PEX7: variants seen among roughly 807,000 people sequenced by gnomAD.
The protein encoded by PEX7 is PTS2 receptor.
A neutral mutation model predicts 47.5 loss-of-function variants in PEX7; 34 were observed. The observed-to-expected ratio is 0.72, with a 90% CI of 0.54 to 0.95. The LOEUF (loss-of-function observed/expected upper bound fraction) is 0.95. Ranked by LOEUF, PEX7 falls within the 40% of genes least tolerant of loss-of-function variation. The pLI is 0.00. For synonymous variants in PEX7, 141 were observed against 148.8 expected (o/e 0.95, Z 0.38); for missense variants, 394 against 400.3 (o/e 0.98, Z 0.13).
intron 7 of PEX7, 21 bp from the exon 8 acceptor site, chr6:136,872,177 T>C: frequency 6.2e-7 from 1 of 1,602,232 alleles, no homozygotes; most frequent in African/African-American, 1.3e-5. Context: ...AAGGGTTTTT[T>C]TTTTCTTTTT....
chr6:136,854,143 T>G (rs909651855), intron 5 of PEX7, among the ~76,000 whole-genome samples: 5 of 152,144 alleles, frequency 3.3e-5, no homozygotes, highest in Non-Finnish European at 7.3e-5. Context: ...ATATTTAATT[T>G]GAATCAATTA....
intron 8 of PEX7, among the ~76,000 whole-genome samples, chr6:136,897,764 C>T (rs138479115): frequency 6.6e-6 from 1 of 152,204 alleles, no homozygotes; most frequent in African/African-American, 2.4e-5. Flanking sequence ...AATTCAATAT[C>T]CTTATTTTAT....
intron 2 of PEX7, among the ~76,000 whole-genome samples, chr6:136,825,925 C>T (rs1418270247): frequency 3.9e-5 from 6 of 152,124 alleles, no homozygotes; most frequent in Non-Finnish European, 5.9e-5. Context: ...CTGTAGTGAG[C>T]TGTGATTGGG....
intron 3 of PEX7, among the ~76,000 whole-genome samples, chr6:136,843,999 G>A (rs986930932): frequency 6.6e-6 from 1 of 152,032 alleles, no homozygotes; most frequent in Non-Finnish European, 1.5e-5. Context: ...ACAAAATATC[G>A]ATATTTTACT....
In PEX7 at chr6:136,900,573, G is replaced by A; in HGVS notation, c.903+2332G>A. On this transcript the variant is annotated intron_variant, in intron 9 of 9. Transcript: ENST00000318471. The surrounding 1 kb of genome is among the most constrained non-coding windows in gnomAD (Gnocchi z 4.2). Reference sequence around the variant, plus strand: ...CTTCCGAGTTAATCTGTGTGAAGGTGATGGTGGTGTGGGTCATCCTGTGAA... The same window carrying A: ...CTTCCGAGTTAATCTGTGTGAAGGTAATGGTGGTGTGGGTCATCCTGTGAA... 1 of 405,812 alleles carries A rather than the reference G, an allele frequency of 2.5e-6. No individual in the cohort carries two copies. The highest frequency in any genetic ancestry group is 1.9e-5 in the South Asian group (1 of 52,960). 25.1% of individuals were successfully genotyped at this position (405,812 alleles called of 1,614,324 possible).
chr6:136,829,981 ATTTCTGTTTT>A (rs1345470852), intron 3 of PEX7: 6 of 702,884 alleles, frequency 8.5e-6, no homozygotes. Context: ...AACATAGCCA[ATTTCTGTTTT>A]TTTTTTTTCC....
At position 136,896,203 on chromosome 6, in the gene PEX7, T is replaced by C. The variant is rs1264882452; in HGVS notation, c.804-1939T>C. Among the ~76,000 whole-genome samples, 5 of 152,346 alleles carry C rather than the reference T, an allele frequency of 3.3e-5. No individual in the cohort carries two copies. In the South Asian group the frequency reaches 6.2e-4, roughly 19 times the overall value. Reference sequence around the variant, plus strand: ...AGAGTATAAATAAATTCTCGTTGTTTTGTATTATCCTTACGTTCTAAAAGA... The same window carrying C: ...AGAGTATAAATAAATTCTCGTTGTTCTGTATTATCCTTACGTTCTAAAAGA... On this transcript the variant is annotated intron_variant, in intron 8 of 9. Coordinates refer to ENST00000318471, the MANE Select transcript of PEX7 (RefSeq NM_000288.4).
At chr6:136,873,780 T>G (rs1304060195) in intron 8 of PEX7, among the ~76,000 whole-genome samples, 2 of 152,202 alleles carry the variant, frequency 1.3e-5, no homozygotes, top group East Asian at 3.8e-4. Context: ...TACTTGTTTG[T>G]CATACTAAGA....
intron 9 of PEX7, among the ~76,000 whole-genome samples, chr6:136,912,741 A>G (rs781480292): frequency 2.6e-5 from 4 of 152,224 alleles, no homozygotes; most frequent in African/African-American, 7.2e-5. Flanking sequence ...ATCCATTTCT[A>G]TTAAAAAACG....
intron 6 of PEX7, 49 bp downstream of exon 6, chr6:136,866,782 A>G (rs1232606044): frequency 1.4e-6 from 2 of 1,479,848 alleles, no homozygotes; most frequent in Non-Finnish European, 1.9e-6. Context: ...TAATGTTAAA[A>G]TGTTCTGAAT....
chr6:136,869,001 T>C (rs764545689), intron 6 of PEX7, among the ~76,000 whole-genome samples: 27 of 152,198 alleles, frequency 1.8e-4, no homozygotes, highest in Non-Finnish European at 2.9e-5. Flanking sequence ...AAAAATTTAA[T>C]TCATAGCCTT....
Position 136,870,415 on chromosome 6 carries a change from A to G in PEX7, c.747+412A>G, listed in dbSNP as rs1040248206. ...TCTTTTTCCTAACATGATAACATAC[A>G]TGACTGTTCACAGATGTTTGGGATA... On this transcript the variant is annotated intron_variant, in intron 7 of 9. Coordinates refer to ENST00000318471, the MANE Select transcript of PEX7 (RefSeq NM_000288.4). Among the ~76,000 whole-genome samples the G allele has an allele frequency of 2.0e-5, 3 of 152,214 alleles. 1 individual carries two copies. Among genetic ancestry groups the G allele is most frequent in the African/African-American group, 7.2e-5 (3 of 41,468 alleles).
intron 5 of PEX7, among the ~76,000 whole-genome samples, chr6:136,854,994 A>G (rs1774832919): frequency 6.6e-6 from 1 of 152,018 alleles, no homozygotes; most frequent in Admixed American, 6.6e-5. Context: ...AGGCTGAGGC[A>G]GGAGAATCAC....
chr6:136,902,239 T>C (rs989863881), intron 9 of PEX7, among the ~76,000 whole-genome samples: 2 of 152,250 alleles, frequency 1.3e-5, no homozygotes, highest in African/African-American at 4.8e-5. Flanking sequence ...TGCTTTCATA[T>C]ACCTATTGTC....
At chr6:136,842,361 T>G (rs1476761910) in intron 3 of PEX7, among the ~76,000 whole-genome samples, 2 of 152,216 alleles carry the variant, frequency 1.3e-5, no homozygotes, top group African/African-American at 4.8e-5. Flanking sequence ...AGCTCTGTCA[T>G]AGAGACCTAA....
chr6:136,822,773 C>CTG lies in PEX7; in HGVS notation c.108_109insTG (p.Ala37TrpfsTer14). On this transcript the variant is annotated frameshift_variant, in exon 1 of 10. Transcript: ENST00000318471. LOFTEE classifies it high-confidence loss of function. The stretch of plus-strand genomic sequence containing the variant: ...TGCCGGGCCGCCTGGCCTGCGCCAC[C>CTG]GCGCAGCACTACGGCATCGCGGGTG... 6.9e-7 allele frequency: 1 copy of CTG among 1,446,860 alleles called. No individual in the cohort carries two copies. The highest frequency in any genetic ancestry group is 9.0e-7 in the Non-Finnish European group (1 of 1,105,658). 89.6% of individuals were successfully genotyped at this position (1,446,860 alleles called of 1,614,324 possible).
intron 8 of PEX7, among the ~76,000 whole-genome samples, chr6:136,891,540 C>T (rs1304991765): frequency 6.6e-6 from 1 of 151,762 alleles, no homozygotes; most frequent in Non-Finnish European, 1.5e-5. Context: ...AATACAAGTT[C>T]CAAAACCAAA....
intron 3 of PEX7, among the ~76,000 whole-genome samples, chr6:136,834,704 T>C (rs12110439): frequency 0.064 from 9,737 of 152,004 alleles, 490 homozygotes; most frequent in African/African-American, 0.15. Context: ...ATGGTGGGGG[T>C]TGGACTTTAT....
chr6:136,866,810 A>T, intron 6 of PEX7, 77 bp downstream of exon 6: 1 of 1,290,078 alleles, frequency 7.8e-7, no homozygotes, highest in East Asian at 2.5e-5. Context: ...GTCTTTGTTT[A>T]TGTGGACTTT....
Sources: gnomAD v4.1 joint callset for allele counts (sites outside exome capture counted in the v4.1 genomes callset) on GRCh38, gnomAD v4.1.1 for gene constraint, Gnocchi (gnomAD v3.1) non-coding constraint, MANE v1.5 for transcripts, NCBI Gene and HGNC (gene_info 2026-07-23, HGNC 2026-07-21) for gene names.